Variants in GALNT13 observed in about 807,000 individuals in gnomAD.
GALNT13 encodes UDP-GalNAc:polypeptide N-acetylgalactosaminyltransferase 13.
GALNT13 carries 28 observed loss-of-function variants against 64.2 expected under a neutral mutation model. The ratio of observed to expected loss-of-function variants is 0.44; its 90% confidence interval spans 0.32 to 0.60. The LOEUF is 0.60. Ranked by LOEUF, GALNT13 falls within the 20% of genes least tolerant of loss-of-function variation. The pLI is 0.05. For missense variants in GALNT13, 577 were observed against 669.8 expected, an observed-to-expected ratio of 0.86 and a Z score of 1.53; for synonymous variants, 214 against 224.6, an observed-to-expected ratio of 0.95 and a Z score of 0.42.
chr2:153,258,095 A>T, the GALNT13 span, among the ~76,000 whole-genome samples: 16 of 152,186 alleles, frequency 1.1e-4, no homozygotes, highest in Admixed American at 6.5e-5. Context: ...CTCAGCTTTA[A>T]AAAAAGTCTT....
intron 3 of GALNT13, among the ~76,000 whole-genome samples, chr2:153,998,230 CA>C (rs1466960929): frequency 6.6e-6 from 1 of 152,092 alleles, no homozygotes; most frequent in Non-Finnish European, 1.5e-5. Flanking sequence ...CTGTCTTCCA[CA>C]ATGGTTGAAG....
chr2:154,314,097 A>G (rs1484654905), intron 9 of GALNT13, among the ~76,000 whole-genome samples: 1 of 152,178 alleles, frequency 6.6e-6, no homozygotes, highest in Middle Eastern at 3.2e-3. Context: ...TGTTTGATGT[A>G]GGAGTACTAC....
intron 3 of GALNT13, among the ~76,000 whole-genome samples, chr2:154,021,879 A>C (rs1697530696): frequency 6.6e-6 from 1 of 151,478 alleles, no homozygotes; most frequent in Non-Finnish European, 1.5e-5. Flanking sequence ...ACATCCCATC[A>C]ATACCTAATT....
chr2:153,529,982 G>T, the GALNT13 span, among the ~76,000 whole-genome samples: 1 of 151,878 alleles, frequency 6.6e-6, no homozygotes, highest in Non-Finnish European at 1.5e-5. Context: ...TAAGATCTGG[G>T]ACATGATAAG....
intron 3 of GALNT13, among the ~76,000 whole-genome samples, chr2:153,984,355 T>A (rs1367094250): frequency 6.6e-6 from 1 of 151,816 alleles, no homozygotes; most frequent in East Asian, 1.9e-4. Flanking sequence ...ATTTAGGGGC[T>A]ATATAGTAAA....
intron 3 of GALNT13, among the ~76,000 whole-genome samples, chr2:154,075,110 A>G (rs1020609084): frequency 4.6e-5 from 7 of 151,834 alleles, no homozygotes. Flanking sequence ...AAGACAAGCT[A>G]TCTCTCTTCA....
At chr2:154,287,695 C>G (rs1201606321) in intron 8 of GALNT13, among the ~76,000 whole-genome samples, 3 of 152,022 alleles carry the variant, frequency 2.0e-5, no homozygotes, top group African/African-American at 7.2e-5. Context: ...GTGTTGCACT[C>G]CACACCTCAG....
the GALNT13 span, among the ~76,000 whole-genome samples, chr2:153,637,412 CTTTTTTTG>C: frequency 6.6e-6 from 1 of 151,946 alleles, no homozygotes; most frequent in Non-Finnish European, 1.5e-5. Context: ...CTTTTCCTGC[CTTTTTTTG>C]TTTTTTCTTC....
chr2:153,853,872 A>G, the GALNT13 span, among the ~76,000 whole-genome samples: 2 of 151,888 alleles, frequency 1.3e-5, no homozygotes, highest in Non-Finnish European at 2.9e-5. Flanking sequence ...TAGGGTTAGA[A>G]AAAGAGTTAT....
At chr2:153,510,669 AT>A in the GALNT13 span, among the ~76,000 whole-genome samples, 1 of 152,086 alleles carries the variant, frequency 6.6e-6, no homozygotes, top group Non-Finnish European at 1.5e-5. Context: ...AGAGATTCTG[AT>A]TTAATATGTT....
In GALNT13 at chr2:154,242,153, T is replaced by C. The variant is rs1689524193; in HGVS notation, c.435T>C (p.Tyr145=). ...GTGTGATAAATCGTTCCCCACACTA[T>C]CTACTCTCAGAGGTCATCTTGGTAG... The part of the protein sequence containing the change: ...VYSVINRSPH[Y]LLSEVILVDD... Residue 145 remains tyrosine, a synonymous_variant, in exon 5 of 13, where the codon TAT becomes TAC. Coordinates refer to ENST00000392825, the MANE Select transcript of GALNT13 (RefSeq NM_052917.4). 4 of 1,613,124 alleles carry C rather than the reference T, an allele frequency of 2.5e-6. No homozygotes were observed. Among genetic ancestry groups the C allele is most frequent in the Middle Eastern group, 1.7e-4 (1 of 6,056 alleles).
chr2:153,946,580 G>C (rs988266475), intron 3 of GALNT13, among the ~76,000 whole-genome samples: 4 of 152,006 alleles, frequency 2.6e-5, no homozygotes, highest in African/African-American at 9.7e-5. Flanking sequence ...CTTGTAAACA[G>C]CTGTCTTCTC....
At chr2:153,441,492 A>G in the GALNT13 span, among the ~76,000 whole-genome samples, 10 of 152,270 alleles carry the variant, frequency 6.6e-5, no homozygotes, top group Admixed American at 5.9e-4. Flanking sequence ...AGGAAAGTCA[A>G]TTGTAGCTTG....
the GALNT13 span, among the ~76,000 whole-genome samples, chr2:153,259,758 C>T: frequency 6.6e-6 from 1 of 152,312 alleles, no homozygotes; most frequent in South Asian, 2.1e-4. Flanking sequence ...CATTAAACCT[C>T]TTTTTCCTTA....
chr2:153,652,554 G>T, the GALNT13 span, among the ~76,000 whole-genome samples: 1 of 152,100 alleles, frequency 6.6e-6, no homozygotes, highest in Non-Finnish European at 1.5e-5. Context: ...GGCGGAGGTT[G>T]CAGTGAGCTG....
chr2:154,075,879 T>C (rs1700962966), intron 3 of GALNT13, among the ~76,000 whole-genome samples: 1 of 151,744 alleles, frequency 6.6e-6, no homozygotes, highest in Non-Finnish European at 1.5e-5. Context: ...TATGTGTCAG[T>C]CATTGCTCTA....
chr2:153,221,946 C>T, the GALNT13 span, among the ~76,000 whole-genome samples: 22 of 152,286 alleles, frequency 1.4e-4, no homozygotes, highest in Non-Finnish European at 3.2e-4. Context: ...TGGGGAGCCC[C>T]TAGGTCTGGG....
the GALNT13 span, among the ~76,000 whole-genome samples, chr2:153,603,258 G>A: frequency 6.6e-6 from 1 of 151,788 alleles, no homozygotes. Context: ...AATGACTGGA[G>A]CAAAAGAAGC....
chr2:153,227,148 C>T, the GALNT13 span, among the ~76,000 whole-genome samples: 1 of 152,108 alleles, frequency 6.6e-6, no homozygotes, highest in African/African-American at 2.4e-5. Context: ...AAGACATCAA[C>T]AGAATGAGAA....
Sources: allele counts gnomAD v4.1 joint callset (sites outside exome capture counted in the v4.1 genomes callset), GRCh38; gene constraint gnomAD v4.1.1; transcripts MANE v1.5; gene names NCBI Gene and HGNC (gene_info 2026-07-23, HGNC 2026-07-21).